The following MAP2 variants were observed in gnomAD, a reference collection of about 807,000 sequenced individuals.
The protein encoded by MAP2 is microtubule-associated protein 2.
In MAP2, 14 loss-of-function variants were observed where a neutral mutation model predicts 137.6. The ratio of observed to expected loss-of-function variants is 0.10; its 90% CI spans 0.07 to 0.16. The LOEUF (loss-of-function observed/expected upper bound fraction) is 0.16. Ranked by LOEUF, MAP2 falls within the 10% of genes least tolerant of loss-of-function variation. The pLI, the probability that MAP2 is intolerant of heterozygous loss-of-function variation, is 1.00. For synonymous variants in MAP2, 786 were observed against 782.3 expected, an observed-to-expected ratio of 1.00 and a Z score of -0.08; for missense variants, 2,088 against 2,191.5, an observed-to-expected ratio of 0.95 and a Z score of 0.94.
At chr2:209,501,300 T>G (rs566562444) in intron 1 of MAP2, among the ~76,000 whole-genome samples, 8 of 152,314 alleles carry the variant, frequency 5.3e-5, no homozygotes, top group African/African-American at 1.9e-4. Context: ...ATTTTGATAA[T>G]CCAATAGCTA....
intron 2 of MAP2, among the ~76,000 whole-genome samples, chr2:209,531,771 C>T (rs2065144792): frequency 6.6e-6 from 1 of 152,040 alleles, no homozygotes; most frequent in South Asian, 2.1e-4. Context: ...TTTAAGTGAG[C>T]TTAATTATTC....
rs553631966 is a variant in MAP2 at position 209,483,608 on chromosome 2, T to G, written c.-221-23984T>G. ...TTTAATTTAATTTTTGTAAAAGATG[T>G]TTTTAAAATTCTTTATTGTATTTTG... is the stretch of plus-strand genomic sequence containing the variant. On this transcript the variant is annotated intron_variant, in intron 1 of 15. Coordinates refer to ENST00000682079, the MANE Select transcript of MAP2 (RefSeq NM_001375505.1). 7.9e-4 allele frequency among the ~76,000 whole-genome samples: 121 copies of G among 152,368 alleles called. 1 individual carries two copies. Among genetic ancestry groups the G allele is most frequent in the African/African-American group, 2.8e-3 (115 of 41,588 alleles).
chr2:209,588,510 A>G (rs1384057903), intron 3 of MAP2, among the ~76,000 whole-genome samples: 1 of 152,210 alleles, frequency 6.6e-6, no homozygotes, highest in African/African-American at 2.4e-5. Context: ...TAACCAAAAT[A>G]TCTTTCTTCA....
At chr2:209,641,708 GA>G (rs113633103) in intron 4 of MAP2, among the ~76,000 whole-genome samples, 30 of 149,372 alleles carry the variant, frequency 2.0e-4, no homozygotes, top group Non-Finnish European at 3.7e-4. Flanking sequence ...TTAAAAAAAA[GA>G]AAAAAAAATT....
chr2:209,689,304 T>A (rs1309828974), intron 7 of MAP2, among the ~76,000 whole-genome samples: 4 of 152,072 alleles, frequency 2.6e-5, no homozygotes, highest in Non-Finnish European at 4.4e-5. Flanking sequence ...ATGTAGATTT[T>A]TTTTTCTCTC....
intron 2 of MAP2, among the ~76,000 whole-genome samples, chr2:209,508,426 C>T (rs1352836865): frequency 6.6e-6 from 1 of 151,990 alleles, no homozygotes; most frequent in Non-Finnish European, 1.5e-5. Flanking sequence ...TGCCCTTACA[C>T]TAATCAGGAA....
chr2:209,617,646 T>C (rs1353127090), intron 3 of MAP2, among the ~76,000 whole-genome samples: 1 of 152,094 alleles, frequency 6.6e-6, no homozygotes, highest in Non-Finnish European at 1.5e-5. Flanking sequence ...TCTCCTCCTC[T>C]TCTTATAAGG....
At chr2:209,612,621 A>G (rs1476680685) in intron 3 of MAP2, among the ~76,000 whole-genome samples, 2 of 152,194 alleles carry the variant, frequency 1.3e-5, no homozygotes, top group Non-Finnish European at 2.9e-5. Context: ...GAAAAGTGCT[A>G]TTCAGCCAGC....
rs796825348 is a variant in MAP2, at chr2:209,435,972, T to C, written c.-222+11696T>C. ...CTATATATACAGTATATATTATATATAATATATACAGTATATATTATATAC... is the reference window on the plus strand; with the variant it reads ...CTATATATACAGTATATATTATATACAATATATACAGTATATATTATATAC... On this transcript the variant is annotated intron_variant, in intron 1 of 15. Coordinates refer to ENST00000682079, the MANE Select transcript of MAP2 (RefSeq NM_001375505.1). Among the ~76,000 whole-genome samples the C allele has an allele frequency of 7.1e-4, 90 of 126,632 alleles. 3 individuals carry two copies. Among genetic ancestry groups the C allele is most frequent in the Middle Eastern group, 3.8e-3 (1 of 264 alleles). 83.1% of individuals were successfully genotyped at this position (126,632 alleles called of 152,430 possible).
intron 3 of MAP2, among the ~76,000 whole-genome samples, chr2:209,612,759 T>A (rs2087418469): frequency 6.6e-6 from 1 of 152,222 alleles, no homozygotes. Flanking sequence ...AATGTCTTTT[T>A]TGGTCATGAG....
chr2:209,580,175 T>C (rs1271528494), intron 3 of MAP2, 75 bp downstream of exon 3: 1 of 152,078 alleles, frequency 6.6e-6, no homozygotes, highest in Non-Finnish European at 1.5e-5. Context: ...TTTAAATTAA[T>C]TTATCTATGA....
At chr2:209,573,838 A>G (rs1229744173) in intron 2 of MAP2, among the ~76,000 whole-genome samples, 1 of 152,074 alleles carries the variant, frequency 6.6e-6, no homozygotes, top group Non-Finnish European at 1.5e-5. Flanking sequence ...ATTTTTATGG[A>G]TTTGACTATC....
At chr2:209,685,677 T>A (rs2153698605) in intron 7 of MAP2, among the ~76,000 whole-genome samples, 1 of 152,280 alleles carries the variant, frequency 6.6e-6, no homozygotes, top group African/African-American at 2.4e-5. Flanking sequence ...CTTTCAAAAT[T>A]TGTGTTGTTC....
chr2:209,700,050 T>G (rs2061367388), intron 10 of MAP2, among the ~76,000 whole-genome samples: 1 of 152,224 alleles, frequency 6.6e-6, no homozygotes, highest in African/African-American at 2.4e-5. Flanking sequence ...TACCTGCACT[T>G]TGGTAGACAA....
At chr2:209,674,520 C>T (rs2050350137) in intron 5 of MAP2, among the ~76,000 whole-genome samples, 1 of 151,620 alleles carries the variant, frequency 6.6e-6, no homozygotes, top group Admixed American at 6.6e-5. Flanking sequence ...AGTAGCAATG[C>T]TGGAATTTGT....
chr2:209,683,800 A>G (rs1583338629), intron 7 of MAP2, among the ~76,000 whole-genome samples: 1 of 152,194 alleles, frequency 6.6e-6, no homozygotes, highest in Non-Finnish European at 1.5e-5. Flanking sequence ...CCTTTTATAC[A>G]AATGGAAGAA....
intron 11 of MAP2, chr2:209,704,548 T>G: frequency 6.2e-7 from 1 of 1,612,914 alleles, no homozygotes; most frequent in Non-Finnish European, 8.5e-7. Flanking sequence ...CTACATTTTC[T>G]GACAGTTTAT....
intron 3 of MAP2, among the ~76,000 whole-genome samples, chr2:209,614,423 C>T (rs571538249): frequency 1.3e-5 from 2 of 152,114 alleles, no homozygotes; most frequent in East Asian, 3.9e-4. Context: ...TATGCCAAGT[C>T]CCCCATCTTT....
chr2:209,430,734 G>A (rs1013467767), intron 1 of MAP2, among the ~76,000 whole-genome samples: 1 of 152,146 alleles, frequency 6.6e-6, no homozygotes, highest in Non-Finnish European at 1.5e-5. Context: ...AGAAGTTCAG[G>A]TGACACTGCT....
Sources: gnomAD v4.1 joint callset for allele counts (sites outside exome capture counted in the v4.1 genomes callset) on GRCh38, gnomAD v4.1.1 for gene constraint, MANE v1.5 for transcripts, NCBI Gene and HGNC (gene_info 2026-07-23, HGNC 2026-07-21) for gene names.